GABRG3: variants seen among roughly 807,000 people sequenced by gnomAD.
GABRG3 encodes the protein gamma-aminobutyric acid type A receptor subunit gamma3.
A neutral mutation model predicts 48.8 loss-of-function variants in GABRG3; 25 were observed. The observed-to-expected ratio is 0.51, with a 90% CI of 0.37 to 0.72. GABRG3 has a LOEUF of 0.72. GABRG3 is among the 30% of genes least tolerant of loss of function. GABRG3 has a pLI of 0.00. For synonymous variants in GABRG3, 227 were observed against 217.6 expected, an observed-to-expected ratio of 1.04 and a Z score of -0.38; for missense variants, 394 against 577.9, an observed-to-expected ratio of 0.68 and a Z score of 3.26.
chr15:27,480,040 T>A (rs1365868762), intron 5 of GABRG3, among the ~76,000 whole-genome samples: 1 of 152,212 alleles, frequency 6.6e-6, no homozygotes, highest in African/African-American at 2.4e-5. Context: ...GATGTCATGA[T>A]CTAGGCAGTC....
At chr15:27,094,214 A>C (rs4354903) in intron 3 of GABRG3, among the ~76,000 whole-genome samples, 39,024 of 152,074 alleles carry the variant, frequency 0.26, 5,182 homozygotes, top group Middle Eastern at 0.34. Context: ...TGAAGGCCAC[A>C]GCAGTCAAGC....
chr15:27,210,759 T>C (rs537804801), intron 3 of GABRG3, among the ~76,000 whole-genome samples: 1 of 152,278 alleles, frequency 6.6e-6, no homozygotes, highest in Admixed American at 6.5e-5. Context: ...CCCATGAAGA[T>C]TCGAGCAGGC....
chr15:27,269,300 A>G (rs2140472430), intron 3 of GABRG3, among the ~76,000 whole-genome samples: 1 of 152,276 alleles, frequency 6.6e-6, no homozygotes. Flanking sequence ...CTATTGGTCT[A>G]CTTTATCCTG....
At chr15:27,397,747 A>G (rs1048275926) in intron 5 of GABRG3, among the ~76,000 whole-genome samples, 1 of 151,268 alleles carries the variant, frequency 6.6e-6, no homozygotes, top group South Asian at 2.1e-4. Flanking sequence ...CTTGGTGTTT[A>G]TGGTATCACA....
At chr15:27,152,941 A>G (rs1411039285) in intron 3 of GABRG3, among the ~76,000 whole-genome samples, 1 of 151,448 alleles carries the variant, frequency 6.6e-6, no homozygotes, top group Non-Finnish European at 1.5e-5. Context: ...GCTCACTGCA[A>G]GCTCCGCCTC....
intron 3 of GABRG3, among the ~76,000 whole-genome samples, chr15:27,298,171 C>T (rs1002123252): frequency 1.3e-5 from 2 of 152,084 alleles, no homozygotes; most frequent in Admixed American, 6.6e-5. Flanking sequence ...CAGAGATTAT[C>T]AGACTGAATA....
chr15:27,359,293 A>C (rs1207622887), intron 5 of GABRG3, among the ~76,000 whole-genome samples: 3 of 152,230 alleles, frequency 2.0e-5, no homozygotes, highest in Admixed American at 2.0e-4. Flanking sequence ...TTGCAGGCAC[A>C]AGCTGCTTTG....
Position 26,983,383 on chromosome 15 carries a change from C to A in GABRG3, c.202+6233C>A, listed in dbSNP as rs553372209. On this transcript the variant is annotated intron_variant, in intron 2 of 9. Transcript: ENST00000615808. ...CTTGCGATCTTCTGATGGCGAGAGA[C>A]AAAGAAGGGGACTCTCCAGATAGCA... is the stretch of plus-strand genomic sequence containing the variant. 2.6e-5 allele frequency among the ~76,000 whole-genome samples: 4 copies of A among 152,250 alleles called. No homozygotes were observed. In the East Asian group the frequency reaches 5.8e-4, roughly 22 times the overall value.
At chr15:27,439,801 A>G (rs941509236) in intron 5 of GABRG3, among the ~76,000 whole-genome samples, 7 of 152,204 alleles carry the variant, frequency 4.6e-5, no homozygotes, top group Non-Finnish European at 8.8e-5. Context: ...CTCTATTTCC[A>G]GACAGATCAC....
At chr15:27,044,390 G>A (rs1206197807) in intron 3 of GABRG3, among the ~76,000 whole-genome samples, 1 of 129,300 alleles carries the variant, frequency 7.7e-6, no homozygotes, top group African/African-American at 2.6e-5. Context: ...GCTATCAATA[G>A]GTATTGACTA....
intron 3 of GABRG3, among the ~76,000 whole-genome samples, chr15:27,168,456 T>C (rs1241628759): frequency 6.6e-6 from 1 of 152,158 alleles, no homozygotes; most frequent in Middle Eastern, 3.2e-3. Flanking sequence ...TTCTGTTTTT[T>C]CTTAGGACTC....
chr15:27,169,484 A>G (rs542439010), intron 3 of GABRG3, among the ~76,000 whole-genome samples: 1 of 152,224 alleles, frequency 6.6e-6, no homozygotes, highest in East Asian at 1.9e-4. Flanking sequence ...GGGATAGATC[A>G]TTTGGGCCTG....
chr15:27,409,069 A>G (rs545763970), intron 5 of GABRG3, among the ~76,000 whole-genome samples: 20 of 151,748 alleles, frequency 1.3e-4, no homozygotes, highest in African/African-American at 4.8e-4. Flanking sequence ...TTATCTTTTT[A>G]TCCTAATACC....
At chr15:27,287,321 A>T (rs1385640492) in intron 3 of GABRG3, among the ~76,000 whole-genome samples, 5 of 152,194 alleles carry the variant, frequency 3.3e-5, no homozygotes, top group African/African-American at 1.2e-4. Flanking sequence ...AGGGATTTGG[A>T]GAAGAGTTAA....
chr15:27,314,528 A>G (rs1019474276), intron 3 of GABRG3, among the ~76,000 whole-genome samples: 1 of 152,178 alleles, frequency 6.6e-6, no homozygotes, highest in African/African-American at 2.4e-5. Context: ...TAAAAATAGA[A>G]CTACCATATA....
At chr15:27,092,587 C>A (rs1004581594) in intron 3 of GABRG3, among the ~76,000 whole-genome samples, 3 of 152,154 alleles carry the variant, frequency 2.0e-5, no homozygotes, top group Non-Finnish European at 4.4e-5. Context: ...TTGCCCCGTC[C>A]GTGTGAGCTG....
chr15:27,229,471 G>GTGT (rs1889731136), intron 3 of GABRG3, among the ~76,000 whole-genome samples: 1 of 151,562 alleles, frequency 6.6e-6, no homozygotes, highest in South Asian at 2.1e-4. Flanking sequence ...GTGTGTGTGT[G>GTGT]TGTTGTTGTT....
At chr15:27,429,089 G>A (rs1267754473) in intron 5 of GABRG3, among the ~76,000 whole-genome samples, 1 of 152,122 alleles carries the variant, frequency 6.6e-6, no homozygotes, top group Non-Finnish European at 1.5e-5. Flanking sequence ...ATCTCACTGA[G>A]TCTCCTAATT....
At chr15:27,416,674 A>G (rs1384848215) in intron 5 of GABRG3, among the ~76,000 whole-genome samples, 3 of 152,190 alleles carry the variant, frequency 2.0e-5, no homozygotes, top group Admixed American at 1.3e-4. Flanking sequence ...AAGTCCATCA[A>G]TGATGGTTCA....
Sources: gnomAD v4.1 joint callset for allele counts (sites outside exome capture counted in the v4.1 genomes callset) on GRCh38, gnomAD v4.1.1 for gene constraint, MANE v1.5 for transcripts, NCBI Gene and HGNC (gene_info 2026-07-23, HGNC 2026-07-21) for gene names.